The following OPN4 variants were observed in gnomAD, a reference collection of about 807,000 sequenced individuals.
The protein encoded by OPN4 is opsin 4.
OPN4 carries 43 observed loss-of-function variants against 49.5 expected under a neutral mutation model. The ratio of observed to expected loss-of-function variants is 0.87; its 90% CI spans 0.68 to 1.12. The LOEUF (loss-of-function observed/expected upper bound fraction) is 1.12, where lower values mean the gene tolerates loss of function less well. OPN4 is among the 50% of genes most tolerant of loss of function. The probability of loss-of-function intolerance (pLI) is 0.00; values close to 1 mark genes in which losing one functional copy is unlikely to be tolerated. For synonymous variants in OPN4, 263 were observed against 258.0 expected (o/e 1.02, Z -0.19); for missense variants, 657 against 643.9 (o/e 1.02, Z -0.22).
At position 86,659,494 on chromosome 10, in the gene OPN4, T is replaced by C. The variant is rs374049812; in HGVS notation, c.800+26T>C. On this transcript the variant is annotated intron_variant, in intron 5 of 9. Coordinates refer to ENST00000241891, the MANE Select transcript of OPN4 (RefSeq NM_033282.4). ...GTAAGAGCCGAGCATGGAGGGGGGC[T>C]ACAGGAGGGGGACCGGCCCCTCGGC... 3.1e-6 allele frequency: 5 copies of C among 1,610,406 alleles called. No homozygotes were observed. The African/African-American group carries it at 4.0e-5, about 13-fold the overall frequency.
At chr10:86,659,610 C>A in intron 5 of OPN4, 142 bp downstream of exon 5, 1 of 1,228,016 alleles carries the variant, frequency 8.1e-7, no homozygotes, top group Non-Finnish European at 1.1e-6. Context: ...GCTTATGGGG[C>A]AGCAGTGTCT....
At chr10:86,663,447 G>T (rs1479408934) in intron 8 of OPN4, among the ~76,000 whole-genome samples, 2 of 152,156 alleles carry the variant, frequency 1.3e-5, no homozygotes, top group African/African-American at 4.8e-5. Flanking sequence ...GTGCAGATGG[G>T]GAGCAAACCT....
Position 86,665,952 on chromosome 10 carries a change from C to T in OPN4, c.*201C>T. 1 of 576,614 alleles carries T rather than the reference C, an allele frequency of 1.7e-6. No homozygotes were observed. Among genetic ancestry groups the T allele is most frequent in the Non-Finnish European group, 3.1e-6 (1 of 326,186 alleles). The allele number at this position is 576,614 out of a possible 1,614,324, so 35.7% of individuals were successfully genotyped here. A position where few individuals can be genotyped will look rare whatever the true frequency, so the allele number is the denominator to read the frequency against. On this transcript the variant is annotated 3_prime_UTR_variant, in exon 10 of 10. Coordinates refer to ENST00000241891, the MANE Select transcript of OPN4 (RefSeq NM_033282.4). ...CCTGCCCCATAACGTCCTCCGCATC[C>T]ACTTTCCAGCTCAGCAGCCGCACCC...
At chr10:86,663,583 G>A in intron 8 of OPN4, 76 bp from the exon 9 acceptor site, 2 of 1,337,846 alleles carry the variant, frequency 1.5e-6, no homozygotes, top group Middle Eastern at 2.8e-4. Context: ...ATGAAGGAGG[G>A]CCTGGTGGGG....
At chr10:86,661,687 A>ACCC (rs3842237) in intron 7 of OPN4, among the ~76,000 whole-genome samples, 2 of 142,040 alleles carry the variant, frequency 1.4e-5, no homozygotes, top group African/African-American at 2.7e-5. Flanking sequence ...GAATTTAAGC[A>ACCC]CCCCCCCGCC....
At chr10:86,657,923 T>G in intron 2 of OPN4, 109 bp from the exon 3 acceptor site, 2 of 1,184,768 alleles carry the variant, frequency 1.7e-6, no homozygotes, top group South Asian at 2.9e-5. Flanking sequence ...TGTGTGCATG[T>G]GTAAGTGTGT....
chr10:86,659,453 T>G lies in OPN4; in HGVS notation c.785T>G (p.Ile262Ser), dbSNP rs1589588166. ...TGCTACATCTTCATCTTCAGGGCCA[T>G]CCGGGAGACAGGACGGTAAGAGCCG... ...IYCYIFIFRA[I>S]RETGRALQTF... Residue 262 changes from isoleucine (I) to serine (S), a missense_variant, in exon 5 of 10, where the codon ATC becomes AGC. Physicochemically the swap from Ile to Ser is moderately radical, Grantham distance 142. Coordinates refer to ENST00000241891, the MANE Select transcript of OPN4 (RefSeq NM_033282.4). 6.2e-7 allele frequency: 1 copy of G among 1,613,858 alleles called. No homozygotes were observed.
At position 86,662,309 on chromosome 10, in the gene OPN4, G is replaced by A; in HGVS notation, c.1131G>A (p.Arg377=). 1.2e-6 allele frequency: 2 copies of A among 1,607,134 alleles called. No individual in the cohort carries two copies. The highest frequency in any genetic ancestry group is 1.1e-5 in the South Asian group (1 of 89,476). Reference sequence around the variant, plus strand: ...GGGTGCTGCTGGGTGTATCACGCCGGCACAGTCGCCCCTACCCCAGCTACC... The same window carrying A: ...GGGTGCTGCTGGGTGTATCACGCCGACACAGTCGCCCCTACCCCAGCTACC... ...CLGVLLGVSR[R]HSRPYPSYRS... Residue 377 remains arginine (R), a synonymous_variant, in exon 8 of 10, where the codon CGG becomes CGA. Coordinates refer to ENST00000241891, the MANE Select transcript of OPN4 (RefSeq NM_033282.4).
At chr10:86,655,524 T>C (rs1843843292) in intron 1 of OPN4, among the ~76,000 whole-genome samples, 1 of 151,184 alleles carries the variant, frequency 6.6e-6, no homozygotes, top group South Asian at 2.1e-4. Flanking sequence ...GTGGGAGGAG[T>C]CTTTAAATCC....
Position 86,654,619 on chromosome 10 carries a change from C to A in OPN4, c.-165C>A. 3.3e-6 allele frequency: 3 copies of A among 910,032 alleles called. No individual in the cohort carries two copies. Among genetic ancestry groups the A allele is most frequent in the Non-Finnish European group, 4.9e-6 (3 of 612,666 alleles). 56.4% of individuals were successfully genotyped at this position (910,032 alleles called of 1,614,324 possible). A position where few individuals can be genotyped will look rare whatever the true frequency, so the allele number is the denominator to read the frequency against. On this transcript the variant is annotated 5_prime_UTR_variant, in exon 1 of 10. Transcript: ENST00000241891. ...ACAGAGCAACCGCCAGCCCCAAGAG[C>A]AGCTCCAGGCTGGATCTGCGCCGGA...
intron 5 of OPN4, 132 bp downstream of exon 5, chr10:86,659,600 G>A: frequency 2.3e-6 from 3 of 1,283,700 alleles, no homozygotes; most frequent in Non-Finnish European, 3.2e-6. Context: ...CTGAGCAAGT[G>A]CTTATGGGGC....
At chr10:86,662,578 C>A in intron 8 of OPN4, 146 bp downstream of exon 8, 2 of 729,036 alleles carry the variant, frequency 2.7e-6, no homozygotes, top group Non-Finnish European at 4.4e-6. Flanking sequence ...AGGAAGAGCC[C>A]CTCCCAACAC....
chr10:86,660,103 G>T (rs780441819), intron 6 of OPN4, 44 bp downstream of exon 6: 21 of 1,603,388 alleles, frequency 1.3e-5, no homozygotes, highest in Non-Finnish European at 1.8e-5. Flanking sequence ...GAAGGTGTGG[G>T]GGCAGGAGCA....
chr10:86,664,666 T>C (rs1780061502), intron 9 of OPN4, among the ~76,000 whole-genome samples: 1 of 152,160 alleles, frequency 6.6e-6, no homozygotes, highest in Admixed American at 6.5e-5. Flanking sequence ...TCTTCCTGAG[T>C]GCTGTGCCCC....
At position 86,655,591 on chromosome 10, in the gene OPN4, GCTTT is replaced by G. The variant is rs534129757; in HGVS notation, c.145-557_145-554del. The stretch of plus-strand genomic sequence containing the variant: ...CCTTCAGTGACCCTGGGAGGCCTAA[GCTTT>G]CTTTCTAAAGGGAATTCCCTTCATT... On this transcript the variant is annotated intron_variant, in intron 1 of 9. Coordinates refer to ENST00000241891, the MANE Select transcript of OPN4 (RefSeq NM_033282.4). Among the ~76,000 whole-genome samples the G allele has an allele frequency of 2.6e-4, 39 of 152,306 alleles. 1 individual carries two copies. In the South Asian group the frequency reaches 6.2e-3, roughly 24 times the overall value.
rs891464950 is a variant in OPN4 at position 86,654,839 on chromosome 10, G to T, written c.56G>T (p.Cys19Phe). The part of the protein sequence containing the change: ...VPPSPTQEPS[C>F]MATPAPPSWW... ...CCCAGCCCAACCCAAGAGCCCAGCT[G>T]CATGGCCACCCCAGCACCACCCAGC... The change falls in exon 1 of 10, where the codon TGC becomes TTC. Residue 19 changes from cysteine to phenylalanine, a missense_variant. Physicochemically the swap from Cys to Phe is radical, Grantham distance 205 (BLOSUM62 -2). Coordinates refer to ENST00000241891, the MANE Select transcript of OPN4 (RefSeq NM_033282.4). The T allele has an allele frequency of 3.7e-6, 6 of 1,610,146 alleles. No individual in the cohort carries two copies. The highest frequency in any genetic ancestry group is 1.3e-5 in the African/African-American group (1 of 74,848).
At chr10:86,658,717 G>A (rs765448552) in intron 4 of OPN4, 30 bp downstream of exon 4, 33 of 1,604,978 alleles carry the variant, frequency 2.1e-5, no homozygotes, top group East Asian at 2.2e-5. Flanking sequence ...TGGAAGGGGG[G>A]CAGATGGGCT....
intron 5 of OPN4, 120 bp from the exon 6 acceptor site, chr10:86,659,775 A>G: frequency 9.3e-7 from 1 of 1,074,036 alleles, no homozygotes; most frequent in Non-Finnish European, 1.4e-6. Flanking sequence ...CACTGGAAGG[A>G]ATGACACTCT....
At chr10:86,655,742 C>T (rs575516539) in intron 1 of OPN4, among the ~76,000 whole-genome samples, 3 of 152,356 alleles carry the variant, frequency 2.0e-5, no homozygotes, top group South Asian at 2.1e-4. Flanking sequence ...ACCACCCCAG[C>T]GTCTAGAGGC....
Sources: allele counts gnomAD v4.1 joint callset (sites outside exome capture counted in the v4.1 genomes callset), GRCh38; gene constraint gnomAD v4.1.1; transcripts MANE v1.5; gene names NCBI Gene and HGNC (gene_info 2026-07-23, HGNC 2026-07-21).